Variants in RYK observed in about 807,000 individuals in gnomAD.
The protein encoded by RYK is receptor like tyrosine kinase, also known as inactive tyrosine-protein kinase RYK.
Under a neutral mutation model 70.2 loss-of-function variants are expected in RYK, and 21 were observed. That is an observed-to-expected ratio of 0.30 (90% confidence interval 0.21 to 0.43). The LOEUF is 0.43. Ranked by LOEUF, RYK falls within the 20% of genes least tolerant of loss-of-function variation. The pLI, the probability that RYK is intolerant of heterozygous loss-of-function variation, is 1.00. For synonymous variants in RYK, 267 were observed against 278.0 expected (o/e 0.96, Z 0.39); for missense variants, 604 against 753.3 (o/e 0.80, Z 2.32).
intron 4 of RYK, among the ~76,000 whole-genome samples, chr3:134,208,676 T>C (rs748619799): frequency 1.3e-5 from 2 of 152,288 alleles, no homozygotes; most frequent in African/African-American, 4.8e-5. Context: ...CTGATTTCAA[T>C]TGGGAAATTT....
intron 6 of RYK, among the ~76,000 whole-genome samples, chr3:134,199,785 C>T (rs909481949): frequency 6.6e-6 from 1 of 152,086 alleles, no homozygotes; most frequent in African/African-American, 2.4e-5. Context: ...AGAGGTGAAG[C>T]TGGCTGGGCT....
intron 3 of RYK, among the ~76,000 whole-genome samples, chr3:134,210,379 C>G (rs558236434): frequency 1.3e-5 from 2 of 151,894 alleles, no homozygotes; most frequent in Non-Finnish European, 2.9e-5. Flanking sequence ...AATGGGATAA[C>G]AGACTTCAGT....
At chr3:134,158,294 C>T (rs1257606914) in intron 14 of RYK, 30 bp from the exon 15 acceptor site, 2 of 1,434,178 alleles carry the variant, frequency 1.4e-6, no homozygotes, top group Non-Finnish European at 1.9e-6. Context: ...AAAATTTGGG[C>T]TAGTAAGGAT....
At chr3:134,235,091 G>A (rs1379200898) in intron 1 of RYK, among the ~76,000 whole-genome samples, 2 of 152,018 alleles carry the variant, frequency 1.3e-5, no homozygotes, top group Non-Finnish European at 2.9e-5. Flanking sequence ...AGGAAAAAAT[G>A]TATAGGCCAC....
At chr3:134,162,463 G>A (rs1202773917) in intron 13 of RYK, among the ~76,000 whole-genome samples, 1 of 152,134 alleles carries the variant, frequency 6.6e-6, no homozygotes, top group Non-Finnish European at 1.5e-5. Context: ...TATGCTCTGG[G>A]AGGAGGGGGC....
At chr3:134,194,175 C>A (rs1425892084) in intron 7 of RYK, among the ~76,000 whole-genome samples, 2 of 152,208 alleles carry the variant, frequency 1.3e-5, no homozygotes, top group Non-Finnish European at 2.9e-5. Context: ...AAAATTTTCT[C>A]TCATCCACCA....
intron 1 of RYK, among the ~76,000 whole-genome samples, chr3:134,232,567 A>G (rs1451441758): frequency 1.3e-5 from 2 of 152,248 alleles, no homozygotes; most frequent in Admixed American, 1.3e-4. Context: ...TGAGGTGTTT[A>G]AATTGCAATA....
chr3:134,201,016 A>G (rs2013996853), intron 6 of RYK, among the ~76,000 whole-genome samples: 1 of 152,256 alleles, frequency 6.6e-6, no homozygotes, highest in South Asian at 2.1e-4. Flanking sequence ...CCTAGCACGC[A>G]TGCAAGCATT....
At chr3:134,169,723 G>T (rs1246723565) in intron 13 of RYK, among the ~76,000 whole-genome samples, 2 of 152,110 alleles carry the variant, frequency 1.3e-5, no homozygotes, top group African/African-American at 4.8e-5. Flanking sequence ...TTTTAATTAT[G>T]AAGAAATGCA....
chr3:134,159,208 CTCATGCCT>C, intron 14 of RYK, 21 bp downstream of exon 14: 1 of 1,611,702 alleles, frequency 6.2e-7, no homozygotes, highest in South Asian at 1.1e-5. Flanking sequence ...TGGAATAAAA[CTCATGCCT>C]TCAAGCTCAA....
intron 1 of RYK, among the ~76,000 whole-genome samples, chr3:134,232,650 T>G (rs4286405): frequency 0.091 from 13,871 of 152,246 alleles, 1,295 homozygotes; most frequent in South Asian, 0.32. Flanking sequence ...GATACTCCAT[T>G]CTTTATTAGC....
chr3:134,233,013 T>A (rs746478210), intron 1 of RYK, among the ~76,000 whole-genome samples: 6 of 152,230 alleles, frequency 3.9e-5, no homozygotes, highest in Non-Finnish European at 8.8e-5. Flanking sequence ...AGCATTCCCA[T>A]CCTTTGCACA....
intron 13 of RYK, among the ~76,000 whole-genome samples, chr3:134,167,889 A>G (rs571973000): frequency 6.6e-6 from 1 of 152,364 alleles, no homozygotes; most frequent in South Asian, 2.1e-4. Context: ...ACAAAGGGCT[A>G]ATATCCAGAA....
intron 6 of RYK, among the ~76,000 whole-genome samples, chr3:134,199,976 A>G (rs1310299376): frequency 6.6e-6 from 1 of 151,770 alleles, no homozygotes; most frequent in Non-Finnish European, 1.5e-5. Context: ...TAAACGCACC[A>G]ATCAGCACTC....
At chr3:134,198,410 G>A (rs59391701) in intron 6 of RYK, among the ~76,000 whole-genome samples, 13,827 of 152,174 alleles carry the variant, frequency 0.091, 1,291 homozygotes, top group South Asian at 0.32. Flanking sequence ...ACTGTACTGG[G>A]TGCTAGAGAT....
intron 10 of RYK, chr3:134,180,806 T>C (rs1021918697): frequency 1.3e-5 from 2 of 152,216 alleles, no homozygotes; most frequent in Non-Finnish European, 2.9e-5. Flanking sequence ...TATCACCTCA[T>C]AGAAGGAAGA....
intron 13 of RYK, among the ~76,000 whole-genome samples, chr3:134,171,613 T>C (rs759281448): frequency 4.6e-5 from 7 of 152,210 alleles, no homozygotes; most frequent in Non-Finnish European, 1.0e-4. Context: ...CCGCCTGTAA[T>C]CCCAGTGCTT....
intron 1 of RYK, among the ~76,000 whole-genome samples, chr3:134,241,172 C>CAAAAA (rs34101853): frequency 8.5e-6 from 1 of 118,116 alleles, no homozygotes; most frequent in Non-Finnish European, 1.7e-5. Context: ...CCATCTCTAC[C>CAAAAA]AAAAAAAAAA....
intron 2 of RYK, among the ~76,000 whole-genome samples, chr3:134,217,702 G>T (rs1239581122): frequency 6.6e-6 from 1 of 152,114 alleles, no homozygotes; most frequent in African/African-American, 2.4e-5. Flanking sequence ...ATTTCCAAAG[G>T]AAAGACAATA....
Sources: allele counts gnomAD v4.1 joint callset (sites outside exome capture counted in the v4.1 genomes callset), GRCh38; gene constraint gnomAD v4.1.1; transcripts MANE v1.5; gene names NCBI Gene and HGNC (gene_info 2026-07-23, HGNC 2026-07-21).